TNRC6C: variants seen among roughly 807,000 people sequenced by gnomAD.
TNRC6C encodes the protein trinucleotide repeat-containing gene 6C protein.
In TNRC6C, 20 loss-of-function variants were observed where a neutral mutation model predicts 153.7. The ratio of observed to expected loss-of-function variants is 0.13; its 90% CI spans 0.09 to 0.19. TNRC6C has a LOEUF of 0.19. TNRC6C is among the 10% of genes least tolerant of loss of function. TNRC6C has a pLI of 1.00. For synonymous variants in TNRC6C, 811 were observed against 841.4 expected (o/e 0.96, Z 0.63); for missense variants, 1,987 against 2,172.0 (o/e 0.91, Z 1.69).
At chr17:78,086,868 A>T (rs750084376) in exon 13 of TNRC6C, 14 of 1,612,160 alleles carry the variant, frequency 8.7e-6, no homozygotes, top group Non-Finnish European at 1.2e-5. Context: ...GCGCACAATC[A>T]CTAATCTGCA....
intron 1 of TNRC6C, among the ~76,000 whole-genome samples, chr17:78,027,289 G>GA (rs901565915): frequency 1.3e-5 from 2 of 152,128 alleles, no homozygotes; most frequent in African/African-American, 4.8e-5. Context: ...AGGAGAATGT[G>GA]GAGTCCAGGA....
At position 77,976,957 on chromosome 17, in the gene TNRC6C, A is replaced by AC. The variant is rs1168410241; in HGVS notation, c.-38+17689_-38+17690insC. On this transcript the variant is annotated intron_variant, in intron 1 of 22. Coordinates refer to the TNRC6C transcript ENST00000636222. ...AAAAAAAAAAAAAAAAAAAAAAAAA[A>AC]AAACTTGGTTTCCCCTTCATTTTAC... is the stretch of plus-strand genomic sequence containing the variant. 1.9e-4 allele frequency among the ~76,000 whole-genome samples: 28 copies of AC among 149,076 alleles called. No individual in the cohort carries two copies. In the East Asian group the frequency reaches 4.3e-3, roughly 23 times the overall value.
At chr17:77,971,677 G>C (rs1455735923) in intron 1 of TNRC6C, among the ~76,000 whole-genome samples, 3 of 152,026 alleles carry the variant, frequency 2.0e-5, no homozygotes, top group African/African-American at 7.2e-5. Context: ...TGCTCTGCTT[G>C]CATTCCTTCC....
At position 78,086,951 on chromosome 17, in the gene TNRC6C, C is replaced by T. The variant is rs778386206; in HGVS notation, c.3660C>T (p.Pro1220=). 1.9e-6 allele frequency: 3 copies of T among 1,613,328 alleles called. No homozygotes were observed. The Admixed American group carries it at 5.0e-5, about 27-fold the overall frequency. Residue 1220 remains proline, a synonymous_variant, in exon 13 of 20, where the codon CCC becomes CCT. Coordinates refer to ENST00000301624, the Ensembl canonical transcript of TNRC6C. ...TGAAGCAGCCACCACCGCCACCGCC[C>T]CCGCCGCACCTGTCTCTGCACCCCT...
At position 78,079,443 on chromosome 17, in the gene TNRC6C, G is replaced by A. The variant is rs750823410; in HGVS notation, c.3259G>A (p.Ala1087Thr). 6.2e-7 allele frequency: 1 copy of A among 1,613,914 alleles called. No homozygotes were observed. The highest frequency in any genetic ancestry group is 1.3e-5 in the African/African-American group (1 of 75,006). ...GTTTGGCAATAGTGGAGCAGCACAA[G>A]CCAGGACCATGCAGCAGCCGCCACA... Residue 1087 changes from alanine to threonine, a missense_variant, in exon 10 of 20, where the codon GCC becomes ACC. By Grantham distance (58) the Ala-to-Thr change is moderately conservative. This residue lies in a region of TNRC6C where 765 missense variants were observed against 908.6 expected (regional missense o/e 0.84). Coordinates refer to ENST00000301624, the Ensembl canonical transcript of TNRC6C. The surrounding 1 kb of genome is among the most constrained non-coding windows in gnomAD (Gnocchi z 4.3).
exon 20 of TNRC6C, chr17:78,106,784 T>A (rs1002127749): frequency 6.6e-6 from 1 of 151,560 alleles, no homozygotes; most frequent in Non-Finnish European, 1.5e-5. Context: ...TTAAAAAATA[T>A]ATATATGAAC....
chr17:78,035,890 T>C (rs2072168480), intron 2 of TNRC6C, among the ~76,000 whole-genome samples: 1 of 152,206 alleles, frequency 6.6e-6, no homozygotes, highest in African/African-American at 2.4e-5. Context: ...TTATCAACTT[T>C]CTTAAAAGTA....
rs1028597532 is a variant in TNRC6C, at chr17:78,009,127, A to G, written c.-546+4048A>G. On this transcript the variant is annotated intron_variant, in intron 1 of 19. Transcript: ENST00000301624. The stretch of plus-strand genomic sequence containing the variant: ...TGCTCTTATACTGGGGGAAAAGGGA[A>G]TCAGATATAATCCTGTTGCCATTAA... Among the ~76,000 whole-genome samples the G allele has an allele frequency of 1.1e-4, 16 of 152,194 alleles. 2 individuals carry two copies. The highest frequency in any genetic ancestry group is 9.2e-4 in the Admixed American group (14 of 15,282).
chr17:78,009,710 A>G (rs1476736769), intron 1 of TNRC6C, among the ~76,000 whole-genome samples: 3 of 152,024 alleles, frequency 2.0e-5, no homozygotes, highest in Non-Finnish European at 4.4e-5. Flanking sequence ...GCGCACCACC[A>G]TGCCCAGCTA....
intron 2 of TNRC6C, among the ~76,000 whole-genome samples, chr17:78,042,014 C>T (rs912359716): frequency 6.6e-6 from 1 of 152,134 alleles, no homozygotes; most frequent in African/African-American, 2.4e-5. Flanking sequence ...CTTTTGGAAG[C>T]TCTTCATTAA....
chr17:78,058,254 G>T (rs1216656019), intron 3 of TNRC6C, among the ~76,000 whole-genome samples: 1 of 152,190 alleles, frequency 6.6e-6, no homozygotes, highest in African/African-American at 2.4e-5. Context: ...CAGAAAGGGA[G>T]AAAGTGCAAA....
intron 2 of TNRC6C, among the ~76,000 whole-genome samples, chr17:78,040,352 A>C (rs1490752945): frequency 6.6e-6 from 1 of 152,200 alleles, no homozygotes; most frequent in Non-Finnish European, 1.5e-5. Flanking sequence ...AATAATAATA[A>C]GTTCTTGTGC....
At chr17:78,035,768 G>C (rs1378744834) in intron 2 of TNRC6C, among the ~76,000 whole-genome samples, 1 of 152,160 alleles carries the variant, frequency 6.6e-6, no homozygotes, top group African/African-American at 2.4e-5. Flanking sequence ...TCATATTATA[G>C]TTGTTTAATG....
chr17:78,044,778 G>A (rs183037741), intron 2 of TNRC6C, among the ~76,000 whole-genome samples: 9 of 152,316 alleles, frequency 5.9e-5, no homozygotes, highest in African/African-American at 2.2e-4. Flanking sequence ...AAAGCCTAAA[G>A]CATTTTGGCT....
At chr17:78,005,397 G>A (rs1224827710) in intron 1 of TNRC6C, among the ~76,000 whole-genome samples, 2 of 152,070 alleles carry the variant, frequency 1.3e-5, no homozygotes, top group African/African-American at 2.4e-5. Flanking sequence ...AACAACCAAA[G>A]GATATCTGCA....
At chr17:78,101,431 G>A (rs143546409) in intron 17 of TNRC6C, among the ~76,000 whole-genome samples, 2 of 152,266 alleles carry the variant, frequency 1.3e-5, no homozygotes, top group East Asian at 3.9e-4. Flanking sequence ...CTATTTCTGA[G>A]CCTTGAGTTC....
At chr17:77,995,257 T>G (rs1343744641) in intron 1 of TNRC6C, among the ~76,000 whole-genome samples, 1 of 152,092 alleles carries the variant, frequency 6.6e-6, no homozygotes, top group Non-Finnish European at 1.5e-5. Context: ...TTGAAAGCAG[T>G]TCGTGGGAAG....
At chr17:77,992,160 C>T (rs1365638873) in intron 1 of TNRC6C, among the ~76,000 whole-genome samples, 1 of 152,128 alleles carries the variant, frequency 6.6e-6, no homozygotes, top group Admixed American at 6.5e-5. Flanking sequence ...AGTTGGAACT[C>T]GGTATTTATG....
intron 1 of TNRC6C, among the ~76,000 whole-genome samples, chr17:78,024,355 G>T (rs544547695): frequency 1.3e-4 from 20 of 151,500 alleles, no homozygotes; most frequent in South Asian, 8.4e-4. Context: ...AGTTTTTTTT[G>T]GTTTTTTTGT....
Sources: allele counts gnomAD v4.1 joint callset (sites outside exome capture counted in the v4.1 genomes callset), GRCh38; gene constraint gnomAD v4.1.1; regional missense constraint gnomAD v4.1.1; non-coding constraint Gnocchi (gnomAD v3.1); transcripts MANE v1.5; gene names NCBI Gene and HGNC (gene_info 2026-07-23, HGNC 2026-07-21).